The following CHST11 variants were observed in gnomAD, a reference collection of about 807,000 sequenced individuals.
CHST11 encodes C4S-1.
CHST11 carries 9 observed loss-of-function variants against 30.4 expected under a neutral mutation model. That is an observed-to-expected ratio of 0.30 (90% CI 0.18 to 0.52). CHST11 has a LOEUF of 0.52. Among genes scored for constraint, CHST11 ranks in the 20% least tolerant of loss-of-function variants. The probability of loss-of-function intolerance (pLI) is 0.97; values close to 1 mark genes in which losing one functional copy is unlikely to be tolerated. For synonymous variants in CHST11, 152 were observed against 187.8 expected, an observed-to-expected ratio of 0.81 and a Z score of 1.56; for missense variants, 348 against 460.6, an observed-to-expected ratio of 0.76 and a Z score of 2.24.
intron 1 of CHST11, among the ~76,000 whole-genome samples, chr12:104,586,899 A>G (rs2038811059): frequency 6.6e-6 from 1 of 152,206 alleles, no homozygotes; most frequent in African/African-American, 2.4e-5. Context: ...GGACTTCCCC[A>G]GGTTAACTGC....
chr12:104,702,214 A>G (rs1592847417), intron 2 of CHST11, among the ~76,000 whole-genome samples: 2 of 152,230 alleles, frequency 1.3e-5, no homozygotes, highest in Non-Finnish European at 2.9e-5. Flanking sequence ...AGAAATCCCT[A>G]TACCAGCACA....
intron 1 of CHST11, among the ~76,000 whole-genome samples, chr12:104,580,389 A>AATTAG: frequency 6.6e-6 from 1 of 152,332 alleles, no homozygotes; most frequent in East Asian, 1.9e-4. Context: ...TAATTAGGTC[A>AATTAG]ATTAGATTAG....
intron 1 of CHST11, among the ~76,000 whole-genome samples, chr12:104,525,222 C>G (rs1056774183): frequency 6.6e-6 from 1 of 151,712 alleles, no homozygotes; most frequent in African/African-American, 2.4e-5. Context: ...AACTTGTGGC[C>G]TCAAGCAGTC....
chr12:104,607,994 C>T (rs918342735), intron 2 of CHST11, among the ~76,000 whole-genome samples: 28 of 152,118 alleles, frequency 1.8e-4, no homozygotes, highest in African/African-American at 6.8e-4. Flanking sequence ...GTTTATCAAG[C>T]CTGTGGTCTT....
chr12:104,588,814 C>T (rs2038830268), intron 1 of CHST11: 1 of 152,272 alleles, frequency 6.6e-6, no homozygotes, highest in East Asian at 1.9e-4. Context: ...CCCAGCAAAA[C>T]AGCTTAAAAA....
chr12:104,689,278 C>G (rs2039876056), intron 2 of CHST11, among the ~76,000 whole-genome samples: 1 of 152,234 alleles, frequency 6.6e-6, no homozygotes, highest in East Asian at 1.9e-4. Flanking sequence ...CATAAATCGC[C>G]TGCTGCCTCC....
chr12:104,710,926 G>A (rs1000122284), intron 2 of CHST11, among the ~76,000 whole-genome samples: 1 of 152,116 alleles, frequency 6.6e-6, no homozygotes, highest in Admixed American at 6.6e-5. Flanking sequence ...GTGGGACTGT[G>A]GTTACAAGTT....
intron 2 of CHST11, among the ~76,000 whole-genome samples, chr12:104,702,820 C>G (rs955883000): frequency 2.0e-5 from 3 of 152,226 alleles, no homozygotes; most frequent in Admixed American, 1.3e-4. Context: ...CAAGGGCGGA[C>G]AGCGGGTCGG....
intron 2 of CHST11, among the ~76,000 whole-genome samples, chr12:104,730,311 C>G (rs1374256536): frequency 6.6e-6 from 1 of 152,224 alleles, no homozygotes; most frequent in African/African-American, 2.4e-5. Context: ...GTGACTCTTG[C>G]CACAGAGGGT....
At chr12:104,696,492 A>AAC (rs1566042380) in intron 2 of CHST11, among the ~76,000 whole-genome samples, 2 of 149,284 alleles carry the variant, frequency 1.3e-5, no homozygotes, top group South Asian at 4.3e-4. Context: ...CAAAAAAAAA[A>AAC]AAAAAAAAAA....
chr12:104,528,881 A>G (rs1162637459), intron 1 of CHST11, among the ~76,000 whole-genome samples: 1 of 152,190 alleles, frequency 6.6e-6, no homozygotes, highest in Non-Finnish European at 1.5e-5. Context: ...GTTGTGCCAT[A>G]CCACTGAATC....
intron 1 of CHST11, among the ~76,000 whole-genome samples, chr12:104,493,902 C>T (rs1164215689): frequency 6.6e-6 from 1 of 152,188 alleles, no homozygotes; most frequent in African/African-American, 2.4e-5. Flanking sequence ...TGGCTCACTG[C>T]AGCCTCCATC....
chr12:104,629,296 G>A (rs1429597856), intron 2 of CHST11, among the ~76,000 whole-genome samples: 1 of 152,112 alleles, frequency 6.6e-6, no homozygotes, highest in Non-Finnish European at 1.5e-5. Flanking sequence ...CTCTACTTAG[G>A]ATCTCACCAG....
rs140486952 is a variant in CHST11, at chr12:104,761,464, TAC to T, written c.*3697_*3698del. Reference sequence around the variant, plus strand: ...CTTGCTTTCCTAGCCAGTCCTCCCCTACACACACACACACACACACACACACA... The same window carrying T: ...CTTGCTTTCCTAGCCAGTCCTCCCCTACACACACACACACACACACACACA... On this transcript the variant is annotated 3_prime_UTR_variant, in exon 3 of 3. Transcript: ENST00000303694. 0.036 allele frequency: 5,115 copies of T among 142,894 alleles called. 109 individuals carry two copies. Among genetic ancestry groups the T allele is most frequent in the South Asian group, 0.046 (200 of 4,394 alleles). 8.9% of individuals were successfully genotyped at this position (142,894 alleles called of 1,614,324 possible).
intron 1 of CHST11, among the ~76,000 whole-genome samples, chr12:104,471,962 T>TA (rs905969466): frequency 1.4e-4 from 21 of 150,210 alleles, no homozygotes; most frequent in Admixed American, 4.0e-4. Context: ...CACCCTAATT[T>TA]AAAAAAAAAA....
At chr12:104,545,170 A>C (rs1412350142) in intron 1 of CHST11, among the ~76,000 whole-genome samples, 2 of 114,298 alleles carry the variant, frequency 1.7e-5, no homozygotes, top group Admixed American at 1.9e-4. Flanking sequence ...AAAGCAAAAA[A>C]ATCAATCCAT....
chr12:104,641,123 C>T (rs1328171789), intron 2 of CHST11, among the ~76,000 whole-genome samples: 2 of 152,144 alleles, frequency 1.3e-5, no homozygotes, highest in Non-Finnish European at 2.9e-5. Context: ...ATTACCTTCC[C>T]ACTCCTTCCC....
At chr12:104,672,196 C>T (rs1478973890) in intron 2 of CHST11, among the ~76,000 whole-genome samples, 1 of 152,096 alleles carries the variant, frequency 6.6e-6, no homozygotes, top group Admixed American at 6.5e-5. Flanking sequence ...CTCCCTGAGA[C>T]CTGTCTGGCC....
chr12:104,708,685 C>T (rs1009980530), intron 2 of CHST11, among the ~76,000 whole-genome samples: 25 of 152,148 alleles, frequency 1.6e-4, no homozygotes, highest in African/African-American at 5.3e-4. Flanking sequence ...AGGCTGGGCT[C>T]CCCTCTGACA....
Sources: gnomAD v4.1 joint callset for allele counts (sites outside exome capture counted in the v4.1 genomes callset) on GRCh38, gnomAD v4.1.1 for gene constraint, MANE v1.5 for transcripts, NCBI Gene and HGNC (gene_info 2026-07-23, HGNC 2026-07-21) for gene names.